SANBR: variants seen among roughly 807,000 people sequenced by gnomAD.
SANBR encodes SANT and BTB domain regulator of CSR.
SANBR carries 77 observed loss-of-function variants against 101.8 expected under a neutral mutation model. The observed-to-expected ratio is 0.76, with a 90% CI of 0.63 to 0.91. The LOEUF is 0.91. SANBR is among the 40% of genes least tolerant of loss of function. The pLI, the probability that SANBR is intolerant of heterozygous loss-of-function variation, is 0.00. For synonymous variants in SANBR, 279 were observed against 274.7 expected (o/e 1.02, Z -0.15); for missense variants, 875 against 853.0 (o/e 1.03, Z -0.32).
intron 7 of SANBR, among the ~76,000 whole-genome samples, chr2:61,082,550 G>T (rs372885370): frequency 1.3e-5 from 2 of 152,150 alleles, no homozygotes; most frequent in South Asian, 4.1e-4. Flanking sequence ...GACCAGGCGC[G>T]GTGGCTCACG....
intron 20 of SANBR, among the ~76,000 whole-genome samples, chr2:61,118,806 C>A (rs986061228): frequency 6.6e-6 from 1 of 151,920 alleles, no homozygotes; most frequent in Non-Finnish European, 1.5e-5. Flanking sequence ...GTGATCTGCC[C>A]GCCTCAGCCT....
At chr2:61,070,202 A>G (rs762647708) in intron 2 of SANBR, 140 bp from the exon 3 acceptor site, 18 of 514,122 alleles carry the variant, frequency 3.5e-5, no homozygotes, top group Non-Finnish European at 4.6e-5. Context: ...AGGCTATACT[A>G]TGTTTATTTT....
intron 20 of SANBR, among the ~76,000 whole-genome samples, chr2:61,130,878 C>A (rs1423077250): frequency 1.7e-5 from 2 of 120,438 alleles, no homozygotes; most frequent in African/African-American, 6.3e-5. Flanking sequence ...TGCAGTGAGC[C>A]GAGATCACAC....
chr2:61,067,996 G>T (rs1053796127), intron 1 of SANBR, among the ~76,000 whole-genome samples: 1 of 152,188 alleles, frequency 6.6e-6, no homozygotes, highest in Non-Finnish European at 1.5e-5. Flanking sequence ...AATTCCAAAG[G>T]ATACATTAAA....
At chr2:61,134,040 CT>C in intron 20 of SANBR, 1 of 1,536,344 alleles carries the variant, frequency 6.5e-7, no homozygotes, top group South Asian at 1.2e-5. Context: ...CCAATTTATC[CT>C]AACAGCTACA....
intron 1 of SANBR, among the ~76,000 whole-genome samples, chr2:61,067,481 T>TA (rs1371518301): frequency 1.3e-5 from 2 of 152,184 alleles, no homozygotes; most frequent in African/African-American, 4.8e-5. Flanking sequence ...CTCACGCCTG[T>TA]AATCCCAGCA....
chr2:61,081,421 A>G, intron 6 of SANBR, 31 bp from the exon 7 acceptor site: 2 of 1,566,676 alleles, frequency 1.3e-6, no homozygotes, highest in Non-Finnish European at 1.7e-6. Context: ...GTACCCATCA[A>G]AAGGGTAATC....
chr2:61,117,298 A>G (rs996235880), intron 17 of SANBR, 59 bp from the exon 18 acceptor site: 19 of 1,445,268 alleles, frequency 1.3e-5, no homozygotes, highest in Admixed American at 6.7e-5. Flanking sequence ...ATTACTAACT[A>G]TAGCACTAAT....
At chr2:61,103,045 G>C (rs1249413745) in intron 12 of SANBR, among the ~76,000 whole-genome samples, 1 of 151,776 alleles carries the variant, frequency 6.6e-6, no homozygotes, top group African/African-American at 2.4e-5. Flanking sequence ...AATAAATGGT[G>C]TATATTCATG....
At chr2:61,136,977 A>C (rs958226916) in intron 21 of SANBR, among the ~76,000 whole-genome samples, 5 of 151,734 alleles carry the variant, frequency 3.3e-5, no homozygotes, top group African/African-American at 1.2e-4. Flanking sequence ...CCAAAACAAC[A>C]ACAACAACAA....
At chr2:61,121,550 A>G in intron 21 of SANBR, 1 of 268,478 alleles carries the variant, frequency 3.7e-6, no homozygotes, top group Non-Finnish European at 7.2e-6. Flanking sequence ...CTATAGTGCT[A>G]CTGGAAGTAG....
chr2:61,101,693 ACGG>A (rs1683293231), intron 12 of SANBR, among the ~76,000 whole-genome samples: 1 of 151,074 alleles, frequency 6.6e-6, no homozygotes, highest in South Asian at 2.1e-4. Flanking sequence ...AGATCACTGC[ACGG>A]CAGCCTGGGC....
intron 1 of SANBR, among the ~76,000 whole-genome samples, chr2:61,066,988 T>A (rs13412375): frequency 0.21 from 31,819 of 152,094 alleles, 3,483 homozygotes; most frequent in Middle Eastern, 0.32. Flanking sequence ...TTCATAGTAA[T>A]TTGAACTTTG....
Position 61,118,878 on chromosome 2 carries a change from A to T in SANBR, c.2028+762A>T, listed in dbSNP as rs569443040. On this transcript the variant is annotated intron_variant, in intron 20 of 21. Transcript: ENST00000402291. ...CCTGGCCACATTTATGTATTTTTTT[A>T]TATTCTGTATCAGTTAGCCTGTTTA... Among the ~76,000 whole-genome samples the T allele has an allele frequency of 4.0e-4, 61 of 152,142 alleles. 1 individual carries two copies. The highest frequency in any genetic ancestry group is 1.4e-3 in the African/African-American group (60 of 41,518).
chr2:61,072,821 CTTTTTTTTTTTTTT>C (rs70959893), intron 4 of SANBR, among the ~76,000 whole-genome samples: 2 of 31,662 alleles, frequency 6.3e-5, no homozygotes, highest in Admixed American at 4.9e-4. Context: ...TCTCATGTTA[CTTTTTTTTTTTTTT>C]TTTTTTTTTT....
intron 16 of SANBR, among the ~76,000 whole-genome samples, chr2:61,113,467 A>C (rs1683931330): frequency 6.6e-6 from 1 of 152,170 alleles, no homozygotes; most frequent in Non-Finnish European, 1.5e-5. Context: ...AACATGGAAT[A>C]TCTCTCCATT....
chr2:61,110,460 A>G (rs1683776373), intron 16 of SANBR, among the ~76,000 whole-genome samples: 1 of 152,166 alleles, frequency 6.6e-6, no homozygotes, highest in African/African-American at 2.4e-5. Context: ...CAGGCGGATC[A>G]CCTGAGGTCA....
Position 61,108,337 on chromosome 2 carries a change from G to T in SANBR, c.1632G>T (p.Trp544Cys). 1 of 1,575,236 alleles carries T rather than the reference G, an allele frequency of 6.3e-7. No individual in the cohort carries two copies. Among genetic ancestry groups the T allele is most frequent in the Non-Finnish European group, 8.6e-7 (1 of 1,157,014 alleles). The change falls in exon 15 of 22, where the codon TGG (tryptophan) becomes TGT (cysteine). Residue 544 changes from tryptophan to cysteine, a missense_variant. By Grantham distance (215) the Trp-to-Cys change is radical. Coordinates refer to ENST00000402291, the MANE Select transcript of SANBR (RefSeq NM_001129993.3). ...TGTAGTTCTTGTCATTGAAAAACTGGACTCTACAACTGGTAAGTGAGCAAT... is the reference window on the plus strand; with the variant it reads ...TGTAGTTCTTGTCATTGAAAAACTGTACTCTACAACTGGTAAGTGAGCAAT... ...ELNAFLSLKN[W>C]TLQLKQQSLF...
intron 13 of SANBR, among the ~76,000 whole-genome samples, chr2:61,104,253 C>T (rs907017199): frequency 4.6e-5 from 7 of 152,046 alleles, no homozygotes; most frequent in South Asian, 2.1e-4. Context: ...GAGGCCAAGG[C>T]GGGCGGATCA....
Sources: gnomAD v4.1 joint callset for allele counts (sites outside exome capture counted in the v4.1 genomes callset) on GRCh38, gnomAD v4.1.1 for gene constraint, MANE v1.5 for transcripts, NCBI Gene and HGNC (gene_info 2026-07-23, HGNC 2026-07-21) for gene names.